RSU1: variants seen among roughly 807,000 people sequenced by gnomAD.
RSU1 encodes Ras suppressor protein 1.
A neutral mutation model predicts 31.1 loss-of-function variants in RSU1; 26 were observed. The observed-to-expected ratio is 0.84, with a 90% CI of 0.61 to 1.16. The LOEUF (loss-of-function observed/expected upper bound fraction) is 1.16. Among genes scored for constraint, RSU1 ranks in the 50% most tolerant of loss-of-function variants. The probability of loss-of-function intolerance (pLI) is 0.00; values close to 1 mark genes in which losing one functional copy is unlikely to be tolerated. For synonymous variants in RSU1, 164 were observed against 136.3 expected (o/e 1.20, Z -1.41); for missense variants, 320 against 339.1 (o/e 0.94, Z 0.44).
At chr10:16,649,054 C>T (rs993264691) in intron 8 of RSU1, among the ~76,000 whole-genome samples, 3 of 152,134 alleles carry the variant, frequency 2.0e-5, no homozygotes, top group Non-Finnish European at 4.4e-5. Context: ...AACTATTTCC[C>T]TTAAAATTCA....
At chr10:16,721,033 T>A (rs1051381753) in intron 7 of RSU1, among the ~76,000 whole-genome samples, 1 of 152,144 alleles carries the variant, frequency 6.6e-6, no homozygotes, top group African/African-American at 2.4e-5. Flanking sequence ...AAATAGAGTA[T>A]CTGGTTCTGG....
At chr10:16,745,797 A>T (rs764214349) in intron 7 of RSU1, among the ~76,000 whole-genome samples, 1 of 152,222 alleles carries the variant, frequency 6.6e-6, no homozygotes, top group Non-Finnish European at 1.5e-5. Context: ...ACCCAAGCCT[A>T]GTGATGGAGA....
At chr10:16,759,064 T>C (rs1295215533) in intron 4 of RSU1, among the ~76,000 whole-genome samples, 1 of 152,230 alleles carries the variant, frequency 6.6e-6, no homozygotes, top group African/African-American at 2.4e-5. Context: ...GAAAGGTCTG[T>C]ACTAATGCCT....
chr10:16,774,237 A>G (rs1304987745), intron 3 of RSU1, among the ~76,000 whole-genome samples: 2 of 152,184 alleles, frequency 1.3e-5, no homozygotes, highest in Non-Finnish European at 2.9e-5. Flanking sequence ...AATATTTTTT[A>G]AAAAGTCATC....
In RSU1 at chr10:16,803,029, C is replaced by T. The variant is rs755868574; in HGVS notation, c.109+13944G>A. ...AAATCAGATTGGACGTCCTTGTTAA[C>T]GCAGTAAGGTAAGAAAAAGCAGCAA... On this transcript the variant is annotated intron_variant, in intron 2 of 8. Transcript: ENST00000345264. Among the ~76,000 whole-genome samples the T allele has an allele frequency of 1.6e-4, 25 of 152,144 alleles. No homozygotes were observed. The Middle Eastern group carries it at 0.014, about 83-fold the overall frequency.
intron 8 of RSU1, among the ~76,000 whole-genome samples, chr10:16,631,855 C>G (rs2131491488): frequency 6.6e-6 from 1 of 152,286 alleles, no homozygotes; most frequent in East Asian, 1.9e-4. Flanking sequence ...ACAGAGGGGG[C>G]ACCCCAGAAA....
chr10:16,628,577 T>A (rs1256883434), intron 8 of RSU1, among the ~76,000 whole-genome samples: 1 of 152,190 alleles, frequency 6.6e-6, no homozygotes, highest in African/African-American at 2.4e-5. Flanking sequence ...AACAACTACA[T>A]GAGAAAGGAA....
chr10:16,761,937 G>A (rs892318053), intron 4 of RSU1, among the ~76,000 whole-genome samples: 7 of 152,170 alleles, frequency 4.6e-5, no homozygotes, highest in East Asian at 1.9e-4. Context: ...AAATTCTCAC[G>A]CATCAAGTCT....
intron 7 of RSU1, among the ~76,000 whole-genome samples, chr10:16,747,406 G>T (rs1219224947): frequency 6.6e-6 from 1 of 152,132 alleles, no homozygotes; most frequent in East Asian, 1.9e-4. Flanking sequence ...TGAGGCTCAG[G>T]TCAGGATGAC....
chr10:16,786,609 T>A lies in RSU1; in HGVS notation c.110-4525A>T, dbSNP rs1379368521. ...TGGTCAGAGCTAGGGAATAACACAC[T>A]CCTAACACCTGTACTGATTTCACTG... On this transcript the variant is annotated intron_variant, in intron 2 of 8. Transcript: ENST00000345264. Among the ~76,000 whole-genome samples the A allele has an allele frequency of 3.3e-5, 5 of 152,050 alleles. No individual in the cohort carries two copies. The East Asian group carries it at 9.7e-4, about 29-fold the overall frequency.
rs1834557032 is a variant in RSU1 at position 16,645,998 on chromosome 10, ATATATGTGTATATACATATATG to A, written c.731+49003_731+49024del. On this transcript the variant is annotated intron_variant, in intron 8 of 8. Coordinates refer to ENST00000345264, the MANE Select transcript of RSU1 (RefSeq NM_012425.4). ...TATGTGTATATACATATATGTGTAT[ATATATGTGTATATACATATATG>A]TGTATATATATGTGTATATACATAT... 4.2e-5 allele frequency among the ~76,000 whole-genome samples: 4 copies of A among 95,424 alleles called. 1 individual carries two copies. The South Asian group carries it at 9.4e-4, about 22-fold the overall frequency. 62.6% of individuals were successfully genotyped at this position (95,424 alleles called of 152,430 possible). A position where few individuals can be genotyped will look rare whatever the true frequency, so the allele number is the denominator to read the frequency against.
chr10:16,750,726 T>A (rs1327789309), intron 7 of RSU1, among the ~76,000 whole-genome samples: 2 of 152,122 alleles, frequency 1.3e-5, no homozygotes, highest in African/African-American at 4.8e-5. Flanking sequence ...TACACCAAGT[T>A]ATAGAAGAAT....
At chr10:16,805,161 C>G (rs531737038) in intron 2 of RSU1, among the ~76,000 whole-genome samples, 112 of 152,028 alleles carry the variant, frequency 7.4e-4, no homozygotes, top group African/African-American at 2.6e-3. Context: ...GAGCCCAGAT[C>G]ACACCATTGC....
chr10:16,777,172 A>G (rs1266824555), intron 3 of RSU1, among the ~76,000 whole-genome samples: 1 of 152,178 alleles, frequency 6.6e-6, no homozygotes, highest in Non-Finnish European at 1.5e-5. Context: ...AATCAGCATA[A>G]ATATGCACAA....
chr10:16,809,437 A>G (rs1455749178), intron 2 of RSU1, among the ~76,000 whole-genome samples: 1 of 152,210 alleles, frequency 6.6e-6, no homozygotes, highest in Non-Finnish European at 1.5e-5. Flanking sequence ...CTGTAGAGGC[A>G]GCAAAGCTCT....
intron 8 of RSU1, among the ~76,000 whole-genome samples, chr10:16,635,287 T>C (rs1241075964): frequency 6.6e-6 from 1 of 152,174 alleles, no homozygotes; most frequent in Non-Finnish European, 1.5e-5. Flanking sequence ...TCTTTCTACT[T>C]TTCTTCTTCA....
At chr10:16,796,832 A>G (rs543670478) in intron 2 of RSU1, among the ~76,000 whole-genome samples, 2 of 152,306 alleles carry the variant, frequency 1.3e-5, no homozygotes, top group African/African-American at 4.8e-5. Context: ...ATTTACAACA[A>G]AACTAGGTTA....
In RSU1 at chr10:16,645,950, GTATATACATATATGTGTA is replaced by G. The variant is rs1564298380; in HGVS notation, c.731+49055_731+49072del. ...TATACACATATGTGTATATATATGTGTATATACATATATGTGTATATATATGTGTATATACATATATGT... is the reference window on the plus strand; with the variant it reads ...TATACACATATGTGTATATATATGTGTATATATGTGTATATACATATATGT... On this transcript the variant is annotated intron_variant, in intron 8 of 8. Transcript: ENST00000345264. 4.1e-4 allele frequency among the ~76,000 whole-genome samples: 16 copies of G among 39,256 alleles called. 3 individuals carry two copies. The highest frequency in any genetic ancestry group is 1.2e-3 in the South Asian group (1 of 830). The allele number at this position is 39,256 out of a possible 152,430, so 25.8% of individuals were successfully genotyped here. A position where few individuals can be genotyped will look rare whatever the true frequency, so the allele number is the denominator to read the frequency against.
Position 16,592,971 on chromosome 10 carries a change from G to GCCGTATCATTAAAAA in RSU1, c.*422_*423insTTTTTAATGATACGG. ...AGTTAAATTAGCATATCTCGGTGGTGAAGGAAGACTTTTAATAAAGCAAAA... is the reference window on the plus strand; with the variant it reads ...AGTTAAATTAGCATATCTCGGTGGTGCCGTATCATTAAAAAAAGGAAGACTTTTAATAAAGCAAAA... On this transcript the variant is annotated 3_prime_UTR_variant, in exon 9 of 9. Coordinates refer to ENST00000345264, the MANE Select transcript of RSU1 (RefSeq NM_012425.4). 1 of 149,582 alleles carries GCCGTATCATTAAAAA rather than the reference G, an allele frequency of 6.7e-6. No homozygotes were observed. The highest frequency in any genetic ancestry group is 1.5e-5 in the Non-Finnish European group (1 of 67,638). 9.3% of individuals were successfully genotyped at this position (149,582 alleles called of 1,614,324 possible). A position where few individuals can be genotyped will look rare whatever the true frequency, so the allele number is the denominator to read the frequency against.
Sources: gnomAD v4.1 joint callset for allele counts (sites outside exome capture counted in the v4.1 genomes callset) on GRCh38, gnomAD v4.1.1 for gene constraint, MANE v1.5 for transcripts, NCBI Gene and HGNC (gene_info 2026-07-23, HGNC 2026-07-21) for gene names.